Variants in MARK2 observed in about 807,000 individuals in gnomAD.
The protein encoded by MARK2 is microtubule affinity regulating kinase 2.
MARK2 carries 16 observed loss-of-function variants against 89.8 expected under a neutral mutation model. That is an observed-to-expected ratio of 0.18 (90% CI 0.12 to 0.27). The LOEUF is 0.27. MARK2 is among the 10% of genes least tolerant of loss of function. The pLI is 1.00. For missense variants in MARK2, 621 were observed against 1,049.9 expected (o/e 0.59, Z 5.65); for synonymous variants, 382 against 399.5 (o/e 0.96, Z 0.52).
chr11:63,847,366 T>G (rs888340465), intron 1 of MARK2, among the ~76,000 whole-genome samples: 38 of 152,156 alleles, frequency 2.5e-4, no homozygotes, highest in African/African-American at 8.7e-4. Flanking sequence ...GGTGGCTAGG[T>G]GATCCTGAGG....
chr11:63,849,946 G>T (rs111273498), intron 1 of MARK2: 1 of 152,100 alleles, frequency 6.6e-6, no homozygotes. Context: ...TTAGAATAGC[G>T]CCTGGCACAG....
chr11:63,866,985 A>G (rs1938172010), intron 1 of MARK2, among the ~76,000 whole-genome samples: 1 of 152,166 alleles, frequency 6.6e-6, no homozygotes, highest in African/African-American at 2.4e-5. Flanking sequence ...TATCTTCCTG[A>G]AGAGCTGTGA....
intron 1 of MARK2, among the ~76,000 whole-genome samples, chr11:63,874,735 C>G (rs1409484942): frequency 6.6e-6 from 1 of 152,120 alleles, no homozygotes. Flanking sequence ...ACTTGTCGGC[C>G]CAGCTCACAT....
At chr11:63,895,020 C>G (rs1940249952) in intron 1 of MARK2, 139 bp from the exon 2 acceptor site, 1 of 639,640 alleles carries the variant, frequency 1.6e-6, no homozygotes, top group South Asian at 2.0e-5. Flanking sequence ...CTCCTTTCTT[C>G]TGCTGCCATA....
chr11:63,844,206 A>AC (rs1220321485), intron 1 of MARK2, among the ~76,000 whole-genome samples: 38 of 152,338 alleles, frequency 2.5e-4, no homozygotes, highest in African/African-American at 7.9e-4. Flanking sequence ...CTGGTCAGGC[A>AC]CCATGGCTCA....
intron 1 of MARK2, among the ~76,000 whole-genome samples, chr11:63,864,403 C>G (rs954034214): frequency 1.3e-5 from 2 of 152,132 alleles, no homozygotes; most frequent in Non-Finnish European, 2.9e-5. Context: ...CAGGCATGCA[C>G]CACCACCGGC....
chr11:63,885,699 TG>T (rs199969805), intron 1 of MARK2, among the ~76,000 whole-genome samples: 2,575 of 151,990 alleles, frequency 0.017, 64 homozygotes, highest in African/African-American at 0.057. Flanking sequence ...CTGGACGTGG[TG>T]GCACGCACCT....
At chr11:63,906,242 C>G in intron 17 of MARK2, 128 bp downstream of exon 17, 1 of 1,160,528 alleles carries the variant, frequency 8.6e-7, no homozygotes, top group Non-Finnish European at 1.1e-6. Context: ...CTGTGTGGCC[C>G]TCCTCTCTCT....
At chr11:63,901,129 C>T in intron 11 of MARK2, 60 bp downstream of exon 11, 1 of 1,063,650 alleles carries the variant, frequency 9.4e-7, no homozygotes, top group East Asian at 2.4e-5. Context: ...AGCACCTATG[C>T]TTCTAACACC....
chr11:63,839,624 T>A, intron 1 of MARK2, 64 bp downstream of exon 1: 1 of 1,044,150 alleles, frequency 9.6e-7, no homozygotes, highest in Non-Finnish European at 1.4e-6. Context: ...CGGAGCCTCC[T>A]CCCTCTTCTG....
Position 63,898,262 on chromosome 11 carries a change from T to G in MARK2, c.319T>G (p.Leu107Val). The G allele has an allele frequency of 6.2e-7, 1 of 1,614,108 alleles. No individual in the cohort carries two copies. The highest frequency in any genetic ancestry group is 8.5e-7 in the Non-Finnish European group (1 of 1,179,924). ...CCGCGAAGTAAGAATAATGAAGGTT[T>G]TGAATCATCCCAACATAGGTGAGCA... The part of the protein sequence containing the change: ...LFREVRIMKV[L>V]NHPNIVKLFE... Residue 107 changes from leucine (L) to valine (V), a missense_variant, in exon 4 of 19, where the codon TTG becomes GTG. Physicochemically the swap from Leu to Val is conservative, Grantham distance 32. Around this residue, in one of 5 missense-constraint regions of MARK2, gnomAD observed 82 missense variants for 287.7 expected, o/e 0.29. Transcript: ENST00000402010.
chr11:63,844,260 G>A (rs754313673), intron 1 of MARK2, among the ~76,000 whole-genome samples: 5 of 152,192 alleles, frequency 3.3e-5, no homozygotes, highest in African/African-American at 4.8e-5. Flanking sequence ...CAGGAGGATT[G>A]CTTGAGGCCA....
At chr11:63,858,861 T>C (rs754143289) in intron 1 of MARK2, among the ~76,000 whole-genome samples, 42 of 152,212 alleles carry the variant, frequency 2.8e-4, no homozygotes, top group Non-Finnish European at 4.9e-4. Flanking sequence ...GGGCCCTGGC[T>C]GGGCCTCAGG....
Position 63,902,488 on chromosome 11 carries a change from TG to T in MARK2, c.1235-111del. On this transcript the variant is annotated intron_variant, in intron 12 of 18. Coordinates refer to ENST00000402010, the MANE Select transcript of MARK2 (RefSeq NM_001039469.3). The surrounding 1 kb of genome is among the most constrained non-coding windows in gnomAD (Gnocchi z 4.2). Reference sequence around the variant, plus strand: ...AGCCACTTCCCTTCCCTCGCCTCTGTGGAATGGGGGCTTGCTGGGTTGTTGG... The same window carrying T: ...AGCCACTTCCCTTCCCTCGCCTCTGTGAATGGGGGCTTGCTGGGTTGTTGG... 7.2e-7 allele frequency: 1 copy of T among 1,382,092 alleles called. No homozygotes were observed. The highest frequency in any genetic ancestry group is 1.0e-6 in the Non-Finnish European group (1 of 994,800). The allele number at this position is 1,382,092 out of a possible 1,614,324, so 85.6% of individuals were successfully genotyped here.
At chr11:63,856,071 C>G (rs1167100663) in intron 1 of MARK2, among the ~76,000 whole-genome samples, 1 of 152,182 alleles carries the variant, frequency 6.6e-6, no homozygotes, top group African/African-American at 2.4e-5. Context: ...CGGTAGCAGA[C>G]AAAACATGGG....
At chr11:63,859,305 T>A (rs186456074) in intron 1 of MARK2, among the ~76,000 whole-genome samples, 1 of 152,068 alleles carries the variant, frequency 6.6e-6, no homozygotes, top group African/African-American at 2.4e-5. Flanking sequence ...TGACTCTTTT[T>A]AACCTGTTTA....
intron 3 of MARK2, among the ~76,000 whole-genome samples, chr11:63,897,558 C>T (rs1940514446): frequency 6.6e-6 from 1 of 152,256 alleles, no homozygotes; most frequent in African/African-American, 2.4e-5. Context: ...AAAAGCCCCA[C>T]CTCCAGTTCT....
chr11:63,888,610 A>G (rs1939558269), intron 1 of MARK2: 2 of 1,144,202 alleles, frequency 1.7e-6, no homozygotes, highest in Admixed American at 4.2e-5. Context: ...CTGTCCTGGA[A>G]TTGCACGCGC....
intron 1 of MARK2, among the ~76,000 whole-genome samples, chr11:63,869,079 T>C (rs1208885661): frequency 6.6e-6 from 1 of 152,116 alleles, no homozygotes; most frequent in African/African-American, 2.4e-5. Flanking sequence ...TTGTGATGTG[T>C]GGTATGAAAG....
Sources: allele counts gnomAD v4.1 joint callset (sites outside exome capture counted in the v4.1 genomes callset), GRCh38; gene constraint gnomAD v4.1.1; regional missense constraint gnomAD v4.1.1; non-coding constraint Gnocchi (gnomAD v3.1); transcripts MANE v1.5; gene names NCBI Gene and HGNC (gene_info 2026-07-23, HGNC 2026-07-21).